ARHGAP21: variants seen among roughly 807,000 people sequenced by gnomAD.
ARHGAP21 encodes rho GTPase-activating protein 21.
In ARHGAP21, 38 loss-of-function variants were observed where a neutral mutation model predicts 164.6. The ratio of observed to expected loss-of-function variants is 0.23; its 90% CI spans 0.18 to 0.30. The LOEUF (loss-of-function observed/expected upper bound fraction) is 0.30. Ranked by LOEUF, ARHGAP21 falls within the 10% of genes least tolerant of loss-of-function variation. The pLI is 1.00. For synonymous variants in ARHGAP21, 766 were observed against 857.9 expected, an observed-to-expected ratio of 0.89 and a Z score of 1.87; for missense variants, 1,822 against 2,370.7, an observed-to-expected ratio of 0.77 and a Z score of 4.81.
At chr10:24,680,157 A>G (rs1315486893) in intron 2 of ARHGAP21, among the ~76,000 whole-genome samples, 1 of 152,246 alleles carries the variant, frequency 6.6e-6, no homozygotes, top group Admixed American at 6.5e-5. Flanking sequence ...GTAAGAATTA[A>G]AATAATGGTC....
chr10:24,639,948 T>C (rs1392222494), intron 4 of ARHGAP21, among the ~76,000 whole-genome samples: 1 of 151,452 alleles, frequency 6.6e-6, no homozygotes, highest in Non-Finnish European at 1.5e-5. Context: ...AGCTAATAGA[T>C]TACTTTTAAG....
chr10:24,596,491 G>T, intron 17 of ARHGAP21: 1 of 554,322 alleles, frequency 1.8e-6, no homozygotes, highest in Non-Finnish European at 3.1e-6. Flanking sequence ...AGAAACACAC[G>T]ATTTGAAGAC....
chr10:24,714,382 G>A (rs1203237678), intron 2 of ARHGAP21: 1 of 152,160 alleles, frequency 6.6e-6, no homozygotes, highest in Non-Finnish European at 1.5e-5. Flanking sequence ...GCTTAACCTG[G>A]AAGAAATGAA....
Position 24,619,491 on chromosome 10 carries a change from C to T in ARHGAP21, c.2404G>A (p.Ala802Thr), listed in dbSNP as rs1308355488. Reference sequence around the variant, plus strand: ...AGCTCACCTATAAATGGGATGGAAGCCAAAGAATCGCCAGGCGGACTGGTA... The same window carrying T: ...AGCTCACCTATAAATGGGATGGAAGTCAAAGAATCGCCAGGCGGACTGGTA... ...SSTSPPGDSL[A>T]SIPFIDEPTS... Residue 802 changes from alanine (A) to threonine (T), a missense_variant, in exon 9 of 26, where the codon GCT becomes ACT. Coordinates refer to ENST00000396432, the MANE Select transcript of ARHGAP21 (RefSeq NM_020824.4). 2 of 1,613,814 alleles carry T rather than the reference C, an allele frequency of 1.2e-6. No individual in the cohort carries two copies. The highest frequency in any genetic ancestry group is 3.3e-5 in the Admixed American group (2 of 59,956).
At chr10:24,650,134 G>A (rs921566161) in intron 4 of ARHGAP21, among the ~76,000 whole-genome samples, 1 of 152,140 alleles carries the variant, frequency 6.6e-6, no homozygotes, top group Non-Finnish European at 1.5e-5. Context: ...TGTGTACCCA[G>A]CAAAAATACC....
At chr10:24,631,203 A>G (rs1261947848) in intron 6 of ARHGAP21, among the ~76,000 whole-genome samples, 3 of 152,124 alleles carry the variant, frequency 2.0e-5, no homozygotes, top group African/African-American at 7.2e-5. Flanking sequence ...GTCTCCACTA[A>G]AAATACAAAA....
At chr10:24,599,829 T>C (rs1010573532) in intron 14 of ARHGAP21, among the ~76,000 whole-genome samples, 3 of 152,168 alleles carry the variant, frequency 2.0e-5, no homozygotes, top group African/African-American at 7.2e-5. Context: ...CTAAACACTG[T>C]TCTGCATGAA....
intron 25 of ARHGAP21, among the ~76,000 whole-genome samples, chr10:24,588,439 A>C (rs942849263): frequency 3.6e-5 from 4 of 111,520 alleles, no homozygotes; most frequent in African/African-American, 1.1e-4. Flanking sequence ...TAGGTTTAAC[A>C]TTTTTCAAGA....
chr10:24,616,994 C>T (rs1393923946), intron 9 of ARHGAP21, among the ~76,000 whole-genome samples: 2 of 152,078 alleles, frequency 1.3e-5, no homozygotes, highest in Non-Finnish European at 2.9e-5. Context: ...TAGCAGGGGT[C>T]CTCAACTCCT....
At chr10:24,693,644 C>T (rs1022434187) in intron 2 of ARHGAP21, among the ~76,000 whole-genome samples, 5 of 151,982 alleles carry the variant, frequency 3.3e-5, no homozygotes, top group Admixed American at 6.6e-5. Context: ...TGAGACACTG[C>T]GCCTGGCCCC....
At chr10:24,715,230 G>A (rs923728291) in intron 2 of ARHGAP21, among the ~76,000 whole-genome samples, 2 of 151,858 alleles carry the variant, frequency 1.3e-5, no homozygotes, top group Non-Finnish European at 2.9e-5. Context: ...TAATAAAAAA[G>A]AGAAAATGTA....
intron 2 of ARHGAP21, among the ~76,000 whole-genome samples, chr10:24,690,836 A>AT (rs1842702848): frequency 2.7e-5 from 4 of 147,888 alleles, no homozygotes; most frequent in Admixed American, 6.7e-5. Flanking sequence ...TCAAAAAAAA[A>AT]AATATATATA....
At chr10:24,701,581 T>C (rs764237591) in intron 2 of ARHGAP21, among the ~76,000 whole-genome samples, 2 of 151,866 alleles carry the variant, frequency 1.3e-5, no homozygotes, top group African/African-American at 2.4e-5. Flanking sequence ...TTTCAGGAAG[T>C]GGGAACGGTG....
intron 3 of ARHGAP21, among the ~76,000 whole-genome samples, chr10:24,668,347 C>T (rs1840389413): frequency 6.6e-6 from 1 of 152,202 alleles, no homozygotes; most frequent in Admixed American, 6.5e-5. Context: ...TGTGTGAGTT[C>T]TCTCCAGGTC....
chr10:24,690,853 T>TAC (rs1842709089), intron 2 of ARHGAP21, among the ~76,000 whole-genome samples: 2 of 150,048 alleles, frequency 1.3e-5, no homozygotes, highest in African/African-American at 2.4e-5. Flanking sequence ...TATATATATA[T>TAC]ACACATATAT....
chr10:24,589,625 C>T (rs915100677), intron 24 of ARHGAP21: 3 of 257,176 alleles, frequency 1.2e-5, no homozygotes, highest in African/African-American at 6.9e-5. Context: ...AGCTTCAGGA[C>T]AGTGTAATAA....
chr10:24,672,852 A>G (rs972832240), intron 2 of ARHGAP21, among the ~76,000 whole-genome samples: 2 of 152,156 alleles, frequency 1.3e-5, no homozygotes. Flanking sequence ...AATGAAAGTA[A>G]TAATACAGTA....
chr10:24,674,907 T>C (rs192806381), intron 2 of ARHGAP21, among the ~76,000 whole-genome samples: 88 of 152,266 alleles, frequency 5.8e-4, no homozygotes, highest in Admixed American at 5.3e-3. Context: ...ACTGCACACA[T>C]AATAGATGTG....
chr10:24,666,612 A>G (rs1840223302), intron 4 of ARHGAP21, among the ~76,000 whole-genome samples: 1 of 152,214 alleles, frequency 6.6e-6, no homozygotes, highest in African/African-American at 2.4e-5. Context: ...CTTCTTTTCA[A>G]TATTTGACTC....
Sources: gnomAD v4.1 joint callset for allele counts (sites outside exome capture counted in the v4.1 genomes callset) on GRCh38, gnomAD v4.1.1 for gene constraint, MANE v1.5 for transcripts, NCBI Gene and HGNC (gene_info 2026-07-23, HGNC 2026-07-21) for gene names.